Variants in SHISA9 observed in about 807,000 individuals in gnomAD.
SHISA9 encodes protein shisa-9.
Under a neutral mutation model 38.0 loss-of-function variants are expected in SHISA9, and 13 were observed. The ratio of observed to expected loss-of-function variants is 0.34; its 90% CI spans 0.22 to 0.54. SHISA9 has a LOEUF of 0.54. Among genes scored for constraint, SHISA9 ranks in the 20% least tolerant of loss-of-function variants. The probability of loss-of-function intolerance (pLI) is 0.91; values close to 1 mark genes in which losing one functional copy is unlikely to be tolerated. For missense variants in SHISA9, 538 were observed against 575.8 expected (o/e 0.93, Z 0.67); for synonymous variants, 275 against 242.0 (o/e 1.14, Z -1.27).
chr16:13,284,531 C>T, the SHISA9 span, among the ~76,000 whole-genome samples: 1 of 152,140 alleles, frequency 6.6e-6, no homozygotes, highest in Admixed American at 6.6e-5. Context: ...ATGTGATTTA[C>T]CTGCTGATTA....
chr16:12,925,435 T>TTGTG (rs1555500760), intron 2 of SHISA9, among the ~76,000 whole-genome samples: 3 of 67,906 alleles, frequency 4.4e-5, no homozygotes, highest in East Asian at 3.4e-4. Context: ...GAAAATGAGA[T>TTGTG]TGTGTGTGTG....
the SHISA9 span, among the ~76,000 whole-genome samples, chr16:13,276,750 T>C: frequency 6.6e-6 from 1 of 152,162 alleles, no homozygotes; most frequent in Non-Finnish European, 1.5e-5. Flanking sequence ...CTTAGACCAC[T>C]TTTTGATGGG....
At chr16:12,970,333 A>ATATACATATATGTATATATATATACG in intron 2 of SHISA9, among the ~76,000 whole-genome samples, 2 of 79,444 alleles carry the variant, frequency 2.5e-5, no homozygotes, top group African/African-American at 1.0e-4. Flanking sequence ...ATACATATAT[A>ATATACATATATGTATATATATATACG]TATATATATA....
At chr16:13,207,100 C>T (rs1238633488) in intron 3 of SHISA9, among the ~76,000 whole-genome samples, 1 of 152,188 alleles carries the variant, frequency 6.6e-6, no homozygotes, top group Non-Finnish European at 1.5e-5. Context: ...CCTGTCTCTA[C>T]TAAAAATACA....
chr16:13,396,974 G>C, the SHISA9 span, among the ~76,000 whole-genome samples: 1 of 152,050 alleles, frequency 6.6e-6, no homozygotes, highest in South Asian at 2.1e-4. Flanking sequence ...GAGACAGTGA[G>C]ACCAACTCCT....
At chr16:13,198,746 C>G (rs988796334) in intron 2 of SHISA9, among the ~76,000 whole-genome samples, 1 of 152,160 alleles carries the variant, frequency 6.6e-6, no homozygotes. Flanking sequence ...TGCCCTGAAA[C>G]TGGATTTTAA....
intron 2 of SHISA9, among the ~76,000 whole-genome samples, chr16:12,975,677 A>C (rs1273598612): frequency 6.7e-6 from 1 of 150,014 alleles, no homozygotes; most frequent in African/African-American, 2.5e-5. Flanking sequence ...AGGGCATGTC[A>C]CTATGAATAG....
chr16:13,377,581 A>G, the SHISA9 span, among the ~76,000 whole-genome samples: 1 of 152,220 alleles, frequency 6.6e-6, no homozygotes, highest in Non-Finnish European at 1.5e-5. Context: ...TGCTAATAAA[A>G]TGTACAAACA....
downstream of SHISA9, among the ~76,000 whole-genome samples, chr16:13,245,297 C>G (rs1372429306): frequency 6.6e-6 from 1 of 152,140 alleles, no homozygotes; most frequent in Non-Finnish European, 1.5e-5. Flanking sequence ...TATATTTTCT[C>G]CCACCTACTT....
chr16:13,182,000 C>G (rs1596708720), intron 2 of SHISA9, among the ~76,000 whole-genome samples: 2 of 152,240 alleles, frequency 1.3e-5, no homozygotes, highest in South Asian at 4.1e-4. Context: ...TGTGCAGGGA[C>G]TGACGTGGGG....
At chr16:13,071,414 T>C (rs1472791388) in intron 2 of SHISA9, among the ~76,000 whole-genome samples, 2 of 152,084 alleles carry the variant, frequency 1.3e-5, no homozygotes, top group Admixed American at 1.3e-4. Context: ...CTATTTCCAT[T>C]TTACAGATAA....
At chr16:13,541,204 T>C in the SHISA9 span, among the ~76,000 whole-genome samples, 1 of 152,096 alleles carries the variant, frequency 6.6e-6, no homozygotes, top group African/African-American at 2.4e-5. Flanking sequence ...GAGTAAAGGT[T>C]ATTGGTCCCA....
chr16:13,477,618 A>G, the SHISA9 span, among the ~76,000 whole-genome samples: 308 of 152,262 alleles, frequency 2.0e-3, 1 homozygote, highest in Non-Finnish European at 3.3e-3. Flanking sequence ...TTCTTCCACA[A>G]ACAAAACGAA....
chr16:13,004,195 T>G (rs2072565945), intron 2 of SHISA9, among the ~76,000 whole-genome samples: 1 of 152,222 alleles, frequency 6.6e-6, no homozygotes, highest in African/African-American at 2.4e-5. Context: ...GGGAAAAGTC[T>G]GACTTGTAAC....
intron 2 of SHISA9, among the ~76,000 whole-genome samples, chr16:13,005,959 G>C (rs1405212071): frequency 6.6e-6 from 1 of 152,190 alleles, no homozygotes; most frequent in African/African-American, 2.4e-5. Context: ...TTATTTCGGA[G>C]AGTTGAGCAC....
the SHISA9 span, among the ~76,000 whole-genome samples, chr16:13,314,198 A>C: frequency 1.6e-5 from 2 of 125,544 alleles, no homozygotes; most frequent in African/African-American, 5.7e-5. Flanking sequence ...TTTCATTTTT[A>C]TTTCATTTTT....
intron 2 of SHISA9, among the ~76,000 whole-genome samples, chr16:13,003,727 G>A (rs1213692666): frequency 2.6e-5 from 4 of 152,156 alleles, no homozygotes; most frequent in Admixed American, 6.5e-5. Context: ...GCATGGTGGT[G>A]TGTGCCTGTA....
At chr16:13,467,704 C>A in the SHISA9 span, among the ~76,000 whole-genome samples, 16 of 152,182 alleles carry the variant, frequency 1.1e-4, no homozygotes, top group African/African-American at 3.9e-4. Context: ...TCCAGAATTG[C>A]CTGTTGGATG....
chr16:13,271,636 CAG>C, the SHISA9 span, among the ~76,000 whole-genome samples: 3 of 152,098 alleles, frequency 2.0e-5, no homozygotes, highest in Admixed American at 6.6e-5. Context: ...GAAAAACAGA[CAG>C]AGAGACCACC....
Sources: allele counts gnomAD v4.1 joint callset (sites outside exome capture counted in the v4.1 genomes callset), GRCh38; gene constraint gnomAD v4.1.1; transcripts MANE v1.5; gene names NCBI Gene and HGNC (gene_info 2026-07-23, HGNC 2026-07-21).